Variants in CD58 observed in about 807,000 individuals in gnomAD.
CD58 encodes lymphocyte function-associated antigen 3.
CD58 carries 14 observed loss-of-function variants against 27.6 expected under a neutral mutation model. That is an observed-to-expected ratio of 0.51 (90% CI 0.34 to 0.79). CD58 has a LOEUF of 0.79. CD58 is among the 30% of genes least tolerant of loss of function. CD58 has a pLI of 0.02. For synonymous variants in CD58, 117 were observed against 103.8 expected, an observed-to-expected ratio of 1.13 and a Z score of -0.77; for missense variants, 268 against 301.7, an observed-to-expected ratio of 0.89 and a Z score of 0.83.
chr1:116,553,193 CTTATATG>C (rs968118250), intron 1 of CD58, among the ~76,000 whole-genome samples: 4 of 151,326 alleles, frequency 2.6e-5, no homozygotes, highest in Admixed American at 6.6e-5. Context: ...TTAAAGGCTC[CTTATATG>C]TTATATATTT....
At position 116,516,867 on chromosome 1, in the gene CD58, G is replaced by C. The variant is rs573668705; in HGVS notation, c.744-2045C>G. ...TTCTCTCTCCCTGGTGTGGCCACAA[G>C]CTTCTTGTGGGAGGAGCCCTATTAT... On this transcript the variant is annotated intron_variant, in intron 5 of 5. Coordinates refer to ENST00000369489, the MANE Select transcript of CD58 (RefSeq NM_001779.3). The surrounding 1 kb of genome is among the most constrained non-coding windows in gnomAD (Gnocchi z 6.1). 3.9e-5 allele frequency among the ~76,000 whole-genome samples: 6 copies of C among 152,268 alleles called. No individual in the cohort carries two copies. The South Asian group carries it at 1.2e-3, about 32-fold the overall frequency.
rs1222212295 is a variant in CD58, at chr1:116,522,660, C to T, written c.629-677G>A. Among the ~76,000 whole-genome samples the T allele has an allele frequency of 6.6e-6, 1 of 152,178 alleles. No individual in the cohort carries two copies. The highest frequency in any genetic ancestry group is 1.5e-5 in the Non-Finnish European group (1 of 68,032). ...AACTAATATGAATAACAAGATTCGACTATTTCTAAACAAACTTATATGCAC... is the reference window on the plus strand; with the variant it reads ...AACTAATATGAATAACAAGATTCGATTATTTCTAAACAAACTTATATGCAC... On this transcript the variant is annotated intron_variant, in intron 3 of 5. Coordinates refer to ENST00000369489, the MANE Select transcript of CD58 (RefSeq NM_001779.3). This position sits in a 1 kb window ranked among gnomAD's most constrained non-coding sequence, Gnocchi z 4.6.
In CD58 at chr1:116,557,835, A is replaced by G. The variant is rs1461463508; in HGVS notation, c.70+13068T>C. The stretch of plus-strand genomic sequence containing the variant: ...ACTACAGTTGCATGCCACCACGCCC[A>G]GCTAATTTTTATATTTTTTGTAGAA... On this transcript the variant is annotated intron_variant, in intron 1 of 5. Coordinates refer to ENST00000369489, the MANE Select transcript of CD58 (RefSeq NM_001779.3). The surrounding 1 kb of genome is among the most constrained non-coding windows in gnomAD (Gnocchi z 5.2). 6.6e-6 allele frequency among the ~76,000 whole-genome samples: 1 copy of G among 151,868 alleles called. No individual in the cohort carries two copies. Among genetic ancestry groups the G allele is most frequent in the East Asian group, 1.9e-4 (1 of 5,178 alleles).
Position 116,540,116 on chromosome 1 carries a change from A to C in CD58, c.365-3888T>G, listed in dbSNP as rs571374763. ...GTCCATAAAAAGATGGGAAAGGACT[A>C]ATAAACCTCAGAAGTAGAAATTTTA... On this transcript the variant is annotated intron_variant, in intron 2 of 5. Coordinates refer to ENST00000369489, the MANE Select transcript of CD58 (RefSeq NM_001779.3). Among the ~76,000 whole-genome samples the C allele has an allele frequency of 2.0e-5, 3 of 152,334 alleles. No homozygotes were observed. The South Asian group carries it at 6.2e-4, about 32-fold the overall frequency.
chr1:116,518,873 T>C, intron 5 of CD58: 1 of 1,123,000 alleles, frequency 8.9e-7, no homozygotes, highest in Non-Finnish European at 1.1e-6. Flanking sequence ...AGTATAACTC[T>C]TGGAGTCCAA....
At chr1:116,533,226 G>C (rs1657675501) in intron 3 of CD58, 8 of 802,350 alleles carry the variant, frequency 1.0e-5, no homozygotes, top group Non-Finnish European at 1.1e-5. Flanking sequence ...GTTGAAAAAT[G>C]ACTCATTGGA....
chr1:116,514,934 T>A, intron 5 of CD58, 112 bp from the exon 6 acceptor site: 1 of 709,814 alleles, frequency 1.4e-6, no homozygotes, highest in Non-Finnish European at 2.4e-6. Context: ...TGTAATAAAC[T>A]CATCAAAGCC....
At chr1:116,526,898 A>C (rs1036018381) in intron 3 of CD58, among the ~76,000 whole-genome samples, 12 of 152,034 alleles carry the variant, frequency 7.9e-5, no homozygotes, top group African/African-American at 2.4e-4. Context: ...AATCTGGGAC[A>C]TATTTTGTTA....
chr1:116,515,545 T>TAAA lies in CD58; in HGVS notation c.744-726_744-724dup, dbSNP rs1186048090. Among the ~76,000 whole-genome samples, 1 of 152,150 alleles carries TAAA rather than the reference T, an allele frequency of 6.6e-6. No homozygotes were observed. Among genetic ancestry groups the TAAA allele is most frequent in the African/African-American group, 2.4e-5 (1 of 41,424 alleles). On this transcript the variant is annotated intron_variant, in intron 5 of 5. Transcript: ENST00000369489. The surrounding 1 kb of genome is among the most constrained non-coding windows in gnomAD (Gnocchi z 4.6). ...GGGTGCTGTGACTTTCTGAGGGGGA[T>TAAA]AAAGTGGGAAATGTTTGTAAACCAG...
rs1658422137 is a variant in CD58, at chr1:116,552,377, GAT to G, written c.71-7775_71-7774del. ...GATCACAGATCACCATAACAGATAT[GAT>G]AATGAAAAAGCGTTAAATATTGTGG... On this transcript the variant is annotated intron_variant, in intron 1 of 5. Coordinates refer to ENST00000369489, the MANE Select transcript of CD58 (RefSeq NM_001779.3). This position sits in a 1 kb window ranked among gnomAD's most constrained non-coding sequence, Gnocchi z 4.5. Among the ~76,000 whole-genome samples, 1 of 152,164 alleles carries G rather than the reference GAT, an allele frequency of 6.6e-6. No homozygotes were observed. Among genetic ancestry groups the G allele is most frequent in the Non-Finnish European group, 1.5e-5 (1 of 68,026 alleles).
intron 1 of CD58, among the ~76,000 whole-genome samples, chr1:116,567,965 T>C (rs1393990805): frequency 7.0e-6 from 1 of 143,386 alleles, no homozygotes; most frequent in Non-Finnish European, 1.5e-5. Flanking sequence ...AATCTGATCA[T>C]GAGGAAACAA....
chr1:116,542,988 T>C (rs78697185), intron 2 of CD58, among the ~76,000 whole-genome samples: 2,548 of 152,260 alleles, frequency 0.017, 80 homozygotes, highest in African/African-American at 0.058. Flanking sequence ...AGTGGGTAAG[T>C]GAACAGGCTA....
At chr1:116,558,118 C>T (rs1405463839) in intron 1 of CD58, among the ~76,000 whole-genome samples, 5 of 137,340 alleles carry the variant, frequency 3.6e-5, no homozygotes, top group Non-Finnish European at 7.6e-5. Flanking sequence ...ACACTGCCTG[C>T]AGATTTTAGC....
At chr1:116,533,253 G>T in intron 3 of CD58, 1 of 939,978 alleles carries the variant, frequency 1.1e-6, no homozygotes, top group Non-Finnish European at 1.7e-6. Context: ...TTTGGTAATT[G>T]TTCTAACAGT....
At chr1:116,553,364 G>C (rs987032793) in intron 1 of CD58, among the ~76,000 whole-genome samples, 2 of 152,052 alleles carry the variant, frequency 1.3e-5, no homozygotes, top group Non-Finnish European at 2.9e-5. Flanking sequence ...GGTAAGACTA[G>C]ATAGCAAGAG....
At chr1:116,530,965 T>C (rs1205386120) in intron 3 of CD58, among the ~76,000 whole-genome samples, 4 of 152,208 alleles carry the variant, frequency 2.6e-5, no homozygotes, top group African/African-American at 9.7e-5. Context: ...CTAAGACCTA[T>C]CAAGCAACAT....
Position 116,535,993 on chromosome 1 carries a change from G to A in CD58, c.600C>T (p.Ile200=). The change falls in exon 3 of 6, where the codon ATC becomes ATT. Residue 200 remains isoleucine, a synonymous_variant. Transcript: ENST00000369489. Reference sequence around the variant, plus strand: ...TGCTTGGGATACAGGTTGTCAAAATGATTGATGATGTTGTATTAAATAATG... The same window carrying A: ...TGCTTGGGATACAGGTTGTCAAAATAATTGATGATGTTGTATTAAATAATG... The part of the protein sequence containing the change: ...SNPLFNTTSS[I]ILTTCIPSSG... The A allele has an allele frequency of 6.2e-7, 1 of 1,610,920 alleles. No homozygotes were observed. Among genetic ancestry groups the A allele is most frequent in the Non-Finnish European group, 8.5e-7 (1 of 1,178,704 alleles).
Position 116,514,826 on chromosome 1 carries a change from C to CA in CD58, c.744-5dup, listed in dbSNP as rs528351630. ...TTCTGTTACCAATCAATTGGAGCTA[C>CA]AAAAAAAAATCATATTATTAACTTG... On this transcript the variant is annotated splice_region_variant and splice_polypyrimidine_tract_variant and intron_variant, in intron 5 of 5. Coordinates refer to ENST00000369489, the MANE Select transcript of CD58 (RefSeq NM_001779.3). 6.8e-4 allele frequency: 1,037 copies of CA among 1,531,002 alleles called. No homozygotes were observed. The highest frequency in any genetic ancestry group is 1.2e-3 in the Admixed American group (65 of 56,344). 94.8% of individuals were successfully genotyped at this position (1,531,002 alleles called of 1,614,324 possible). A position where few individuals can be genotyped will look rare whatever the true frequency, so the allele number is the denominator to read the frequency against.
intron 1 of CD58, among the ~76,000 whole-genome samples, chr1:116,568,810 A>G (rs1659030667): frequency 1.3e-5 from 2 of 152,226 alleles, no homozygotes; most frequent in Admixed American, 1.3e-4. Context: ...ACACAAGTTC[A>G]TGACTCAGGT....
Sources: allele counts gnomAD v4.1 joint callset (sites outside exome capture counted in the v4.1 genomes callset), GRCh38; gene constraint gnomAD v4.1.1; non-coding constraint Gnocchi (gnomAD v3.1); transcripts MANE v1.5; gene names NCBI Gene and HGNC (gene_info 2026-07-23, HGNC 2026-07-21).